Variants in ZNF76 observed in about 807,000 individuals in gnomAD.
The protein encoded by ZNF76 is zinc finger protein 523.
A neutral mutation model predicts 66.9 loss-of-function variants in ZNF76; 66 were observed. The observed-to-expected ratio is 0.99, with a 90% CI of 0.81 to 1.21. The LOEUF is 1.21. Ranked by LOEUF, ZNF76 falls within the 50% of genes most tolerant of loss-of-function variation. The pLI is 0.00. For synonymous variants in ZNF76, 275 were observed against 296.1 expected, an observed-to-expected ratio of 0.93 and a Z score of 0.73; for missense variants, 729 against 760.3, an observed-to-expected ratio of 0.96 and a Z score of 0.48.
At chr6:35,286,040 C>A in intron 2 of ZNF76, 88 bp from the exon 3 acceptor site, 1 of 1,262,000 alleles carries the variant, frequency 7.9e-7, no homozygotes, top group South Asian at 1.2e-5. Flanking sequence ...TGCCTAGAGA[C>A]TCAAATAAGC....
rs769863649 is a variant in ZNF76, at chr6:35,292,450, T to A, written c.932-104T>A. On this transcript the variant is annotated intron_variant, in intron 9 of 13. Transcript: ENST00000373953. The surrounding 1 kb of genome is among the most constrained non-coding windows in gnomAD (Gnocchi z 4.7). ...AGTCTCAGGTCTCAGTCCCTCTCCC[T>A]CCCTCTGGCTCTCCCTTCACCAACC... 291 of 1,184,394 alleles carry A rather than the reference T, an allele frequency of 2.5e-4. No homozygotes were observed. The highest frequency in any genetic ancestry group is 3.4e-4 in the Non-Finnish European group (275 of 817,710). The allele number at this position is 1,184,394 out of a possible 1,614,324, so 73.4% of individuals were successfully genotyped here.
intron 4 of ZNF76, chr6:35,286,831 C>T (rs755492018): frequency 1.8e-3 from 481 of 270,824 alleles, no homozygotes; most frequent in South Asian, 2.8e-3. Flanking sequence ...GTTAGGTGTG[C>T]AGTATACAAG....
Position 35,291,410 on chromosome 6 carries a change from T to C in ZNF76, c.751+7T>C. 1 of 1,614,138 alleles carries C rather than the reference T, an allele frequency of 6.2e-7. No homozygotes were observed. Among genetic ancestry groups the C allele is most frequent in the Non-Finnish European group, 8.5e-7 (1 of 1,179,998 alleles). On this transcript the variant is annotated splice_region_variant and intron_variant, in intron 8 of 13. Transcript: ENST00000373953. ...CATGTCCGTACCCACACTGGTATGC[T>C]GGGCCCTGCCCACTCCAACCCCATT...
chr6:35,276,878 C>T (rs1045412986), intron 1 of ZNF76, among the ~76,000 whole-genome samples: 2 of 148,102 alleles, frequency 1.4e-5, no homozygotes, highest in Admixed American at 6.8e-5. Flanking sequence ...CTCACTGCAA[C>T]CTCCGCCTCC....
chr6:35,262,248 C>T (rs1008384715), intron 1 of ZNF76, among the ~76,000 whole-genome samples: 6 of 63,688 alleles, frequency 9.4e-5, no homozygotes, highest in Admixed American at 1.9e-4. Flanking sequence ...ATAGGGAGGG[C>T]ACCTCTTTAT....
At chr6:35,290,153 GC>G in intron 5 of ZNF76, 112 bp from the exon 6 acceptor site, 1 of 1,363,814 alleles carries the variant, frequency 7.3e-7, no homozygotes, top group South Asian at 1.4e-5. Context: ...TGCCCCAGAG[GC>G]CCCTGACAGG....
intron 2 of ZNF76, among the ~76,000 whole-genome samples, chr6:35,281,433 T>C (rs1404255123): frequency 1.3e-5 from 2 of 152,170 alleles, no homozygotes; most frequent in African/African-American, 4.8e-5. Context: ...ATCCCAGTCA[T>C]AGGAACCAAT....
chr6:35,291,823 T>C (rs752316896), intron 9 of ZNF76, 86 bp downstream of exon 9: 232 of 1,499,020 alleles, frequency 1.5e-4, no homozygotes, highest in Non-Finnish European at 2.1e-4. Context: ...CATTCCCAAC[T>C]CCCAGCCCAG....
chr6:35,276,790 GGTTTT>G (rs772698836), intron 1 of ZNF76, among the ~76,000 whole-genome samples: 3 of 97,562 alleles, frequency 3.1e-5, no homozygotes, highest in African/African-American at 1.0e-4. Context: ...TTTATTTATG[GGTTTT>G]TTTTTTTTTT....
rs749157757 is a variant in ZNF76 at position 35,290,293 on chromosome 6, A to C, written c.460A>C (p.Asn154His). The C allele has an allele frequency of 2.5e-6, 4 of 1,614,026 alleles. No homozygotes were observed. The African/African-American group carries it at 4.0e-5, about 16-fold the overall frequency. ...TCTTCATGACAGCCAGATTCCCCGTAATGGAAAAGGGCAGCAAGTTGGAGA... is the reference window on the plus strand; with the variant it reads ...TCTTCATGACAGCCAGATTCCCCGTCATGGAAAAGGGCAGCAAGTTGGAGA... The part of the protein sequence containing the change: ...KVLHDSQIPR[N>H]GKGQQVGDRA... Residue 154 changes from asparagine to histidine, a missense_variant, in exon 6 of 14, where the codon AAT becomes CAT. Asn to His is a moderately conservative substitution (Grantham distance 68, BLOSUM62 1). Coordinates refer to ENST00000373953, the MANE Select transcript of ZNF76 (RefSeq NM_003427.5).
rs749971671 is a variant in ZNF76 at position 35,290,358 on chromosome 6, C to A, written c.525C>A (p.Leu175=). 12 of 1,614,212 alleles carry A rather than the reference C, an allele frequency of 7.4e-6. 1 individual carries two copies. The highest frequency in any genetic ancestry group is 7.6e-6 in the Non-Finnish European group (9 of 1,180,024). ...FRCGYKGCGR[L]YTTAHHLKVH... ...GTGGCTACAAGGGCTGTGGGCGTCT[C>A]TACACCACCGCTCATCACTTAAAGG... Residue 175 remains leucine (L), a synonymous_variant, in exon 6 of 14, where the codon CTC becomes CTA. Transcript: ENST00000373953.
chr6:35,291,777 C>T, intron 9 of ZNF76, 40 bp downstream of exon 9: 2 of 1,596,470 alleles, frequency 1.3e-6, no homozygotes, highest in Non-Finnish European at 1.7e-6. Flanking sequence ...TCACTCAGGC[C>T]CCAACCCCTC....
chr6:35,277,550 G>A (rs973750515), intron 1 of ZNF76, among the ~76,000 whole-genome samples: 2 of 152,210 alleles, frequency 1.3e-5, no homozygotes, highest in African/African-American at 4.8e-5. Context: ...TTACTAGTTA[G>A]CTGTGTAACC....
intron 7 of ZNF76, 75 bp downstream of exon 7, chr6:35,290,791 C>T (rs1790270884): frequency 7.2e-7 from 1 of 1,396,406 alleles, no homozygotes; most frequent in Admixed American, 1.8e-5. Context: ...CTGAAGGGAA[C>T]CCAACACCAG....
intron 1 of ZNF76, among the ~76,000 whole-genome samples, chr6:35,261,649 T>C (rs1785270772): frequency 6.6e-6 from 1 of 152,200 alleles, no homozygotes; most frequent in African/African-American, 2.4e-5. Flanking sequence ...CCAGACTTAC[T>C]CAACCTCAGC....
At chr6:35,280,011 T>TG (rs1330492086) in intron 1 of ZNF76, among the ~76,000 whole-genome samples, 86 of 151,510 alleles carry the variant, frequency 5.7e-4, no homozygotes, top group African/African-American at 1.9e-3. Flanking sequence ...TTTTTTTTTT[T>TG]GTAGAGACAA....
chr6:35,276,480 A>G (rs888200307), intron 1 of ZNF76, among the ~76,000 whole-genome samples: 1 of 152,210 alleles, frequency 6.6e-6, no homozygotes, highest in Non-Finnish European at 1.5e-5. Flanking sequence ...ACAGCAGGCT[A>G]TGAAGCAAGT....
At chr6:35,263,406 G>A (rs1001488156) in intron 1 of ZNF76, among the ~76,000 whole-genome samples, 1 of 152,132 alleles carries the variant, frequency 6.6e-6, no homozygotes, top group Non-Finnish European at 1.5e-5. Context: ...TCCAAGCCCT[G>A]GGAAAACTTG....
chr6:35,290,131 G>C, intron 5 of ZNF76, 135 bp from the exon 6 acceptor site: 1 of 1,177,692 alleles, frequency 8.5e-7, no homozygotes. Flanking sequence ...TGTCCGTCTA[G>C]TTATGTTCTT....
Sources: allele counts gnomAD v4.1 joint callset (sites outside exome capture counted in the v4.1 genomes callset), GRCh38; gene constraint gnomAD v4.1.1; non-coding constraint Gnocchi (gnomAD v3.1); transcripts MANE v1.5; gene names NCBI Gene and HGNC (gene_info 2026-07-23, HGNC 2026-07-21).